The following LETM1 variants were observed in gnomAD, a reference collection of about 807,000 sequenced individuals.
LETM1 encodes leucine zipper and EF-hand containing transmembrane protein 1.
LETM1 carries 50 observed loss-of-function variants against 74.5 expected under a neutral mutation model. The ratio of observed to expected loss-of-function variants is 0.67; its 90% CI spans 0.53 to 0.85. The LOEUF (loss-of-function observed/expected upper bound fraction) is 0.85. Ranked by LOEUF, LETM1 falls within the 40% of genes least tolerant of loss-of-function variation. The pLI, the probability that LETM1 is intolerant of heterozygous loss-of-function variation, is 0.00. For missense variants in LETM1, 824 were observed against 967.8 expected (o/e 0.85, Z 1.97); for synonymous variants, 446 against 407.1 (o/e 1.10, Z -1.15).
At chr4:1,822,847 G>A in intron 9 of LETM1, 141 bp downstream of exon 9, 1 of 889,284 alleles carries the variant, frequency 1.1e-6, no homozygotes, top group Non-Finnish European at 1.5e-6. Context: ...CTGCCTCCCT[G>A]ACCACTCCAG....
intron 1 of LETM1, among the ~76,000 whole-genome samples, chr4:1,851,234 G>A (rs563999055): frequency 2.0e-4 from 30 of 152,300 alleles, no homozygotes; most frequent in Non-Finnish European, 2.8e-4. Flanking sequence ...AGGCGGTGCC[G>A]GGAGCCAGCA....
rs1383156134 is a variant in LETM1 at position 1,813,914 on chromosome 4, T to C, written c.*510A>G. The C allele has an allele frequency of 6.2e-6, 1 of 162,570 alleles. No individual in the cohort carries two copies. The highest frequency in any genetic ancestry group is 1.4e-5 in the Non-Finnish European group (1 of 73,116). 10.1% of individuals were successfully genotyped at this position (162,570 alleles called of 1,614,324 possible). On this transcript the variant is annotated 3_prime_UTR_variant, in exon 14 of 14. Coordinates refer to ENST00000302787, the MANE Select transcript of LETM1 (RefSeq NM_012318.3). ...ACAATGACCCACATCCAACTGAAAG[T>C]GTGCAGGAAGACAGGTCTATTGACA...
rs923809647 is a variant in LETM1 at position 1,856,057 on chromosome 4, G to T, written c.-107C>A. 1 of 616,352 alleles carries T rather than the reference G, an allele frequency of 1.6e-6. No individual in the cohort carries two copies. Among genetic ancestry groups the T allele is most frequent in the African/African-American group, 1.9e-5 (1 of 51,514 alleles). The allele number at this position is 616,352 out of a possible 1,614,324, so 38.2% of individuals were successfully genotyped here. A position where few individuals can be genotyped will look rare whatever the true frequency, so the allele number is the denominator to read the frequency against. On this transcript the variant is annotated 5_prime_UTR_variant, in exon 1 of 14. Transcript: ENST00000302787. Reference sequence around the variant, plus strand: ...CGCTTCAGACCCGGCCCGCGCGGACGGCTGACAGAGGCGGCTGGCCTCGGA... The same window carrying T: ...CGCTTCAGACCCGGCCCGCGCGGACTGCTGACAGAGGCGGCTGGCCTCGGA...
At chr4:1,850,565 C>A (rs2108857391) in intron 1 of LETM1, among the ~76,000 whole-genome samples, 1 of 151,260 alleles carries the variant, frequency 6.6e-6, no homozygotes, top group East Asian at 1.9e-4. Context: ...CAGACGTGAA[C>A]CCGGGAGGCG....
chr4:1,824,625 G>A (rs1189115557), intron 7 of LETM1, among the ~76,000 whole-genome samples: 2 of 152,218 alleles, frequency 1.3e-5, no homozygotes, highest in African/African-American at 4.8e-5. Flanking sequence ...CCGAGAGGTG[G>A]GTAGAGAAGG....
Position 1,834,364 on chromosome 4 carries a change from C to T in LETM1, c.876+481G>A, listed in dbSNP as rs1242947040. On this transcript the variant is annotated intron_variant, in intron 5 of 13. Coordinates refer to ENST00000302787, the MANE Select transcript of LETM1 (RefSeq NM_012318.3). This position sits in a 1 kb window ranked among gnomAD's most constrained non-coding sequence, Gnocchi z 5.0. ...GGCAGCTGCCGTCTCCCCATCCTCA[C>T]CTCACTCACCACATGACCGCAGGAA... 2.0e-5 allele frequency: 20 copies of T among 988,254 alleles called. No homozygotes were observed. The highest frequency in any genetic ancestry group is 2.4e-5 in the Non-Finnish European group (20 of 831,846). 61.2% of individuals were successfully genotyped at this position (988,254 alleles called of 1,614,324 possible). A position where few individuals can be genotyped will look rare whatever the true frequency, so the allele number is the denominator to read the frequency against.
chr4:1,829,804 A>C (rs1712203978), intron 6 of LETM1, among the ~76,000 whole-genome samples: 1 of 152,176 alleles, frequency 6.6e-6, no homozygotes, highest in Admixed American at 6.5e-5. Context: ...CAGCCTGGGC[A>C]ACAGAACAAG....
intron 3 of LETM1, among the ~76,000 whole-genome samples, chr4:1,839,510 G>GCAGA (rs1488395786): frequency 6.6e-6 from 1 of 152,238 alleles, no homozygotes; most frequent in African/African-American, 2.4e-5. Flanking sequence ...TGAAGCAGGA[G>GCAGA]CAGACGGTGT....
At chr4:1,850,324 C>A (rs774986660) in intron 1 of LETM1, among the ~76,000 whole-genome samples, 1 of 152,064 alleles carries the variant, frequency 6.6e-6, no homozygotes, top group Non-Finnish European at 1.5e-5. Flanking sequence ...GATGGGAAGC[C>A]TCAAGTAGAT....
chr4:1,852,529 T>C lies in LETM1; in HGVS notation c.83-3320A>G, dbSNP rs111730562. Among the ~76,000 whole-genome samples, 329 of 152,248 alleles carry C rather than the reference T, an allele frequency of 2.2e-3. 1 individual carries two copies. The highest frequency in any genetic ancestry group is 7.6e-3 in the African/African-American group (316 of 41,548). Reference sequence around the variant, plus strand: ...TCGCCTCCCTGGAAGGGGCAGGAAGTTCCCACCCTCTAATCACAGCATGGC... The same window carrying C: ...TCGCCTCCCTGGAAGGGGCAGGAAGCTCCCACCCTCTAATCACAGCATGGC... On this transcript the variant is annotated intron_variant, in intron 1 of 13. Coordinates refer to ENST00000302787, the MANE Select transcript of LETM1 (RefSeq NM_012318.3).
At chr4:1,840,176 G>C (rs908655065) in intron 3 of LETM1, among the ~76,000 whole-genome samples, 1 of 152,196 alleles carries the variant, frequency 6.6e-6, no homozygotes, top group African/African-American at 2.4e-5. Flanking sequence ...CCAGGAGTTC[G>C]AGAGCAGCCT....
intron 6 of LETM1, among the ~76,000 whole-genome samples, chr4:1,826,948 G>A (rs114219006): frequency 5.9e-5 from 9 of 152,254 alleles, no homozygotes; most frequent in African/African-American, 9.6e-5. Context: ...CTTCCCCTCC[G>A]TCTGTTCTGA....
chr4:1,817,292 C>T (rs1054861099), intron 11 of LETM1, among the ~76,000 whole-genome samples: 2 of 144,752 alleles, frequency 1.4e-5, no homozygotes, highest in African/African-American at 5.1e-5. Context: ...CACAGTGACT[C>T]ATGCCTGTAA....
At chr4:1,854,636 T>C (rs1713178359) in intron 1 of LETM1, among the ~76,000 whole-genome samples, 1 of 151,358 alleles carries the variant, frequency 6.6e-6, no homozygotes, top group East Asian at 2.0e-4. Flanking sequence ...CTACTAAAAA[T>C]ACAAAAATTA....
At chr4:1,822,031 G>T in intron 10 of LETM1, 150 bp downstream of exon 10, 1 of 758,834 alleles carries the variant, frequency 1.3e-6, no homozygotes, top group Non-Finnish European at 1.9e-6. Flanking sequence ...TAGGGGCCCA[G>T]TGGCCTCATC....
rs1187541904 is a variant in LETM1 at position 1,841,344 on chromosome 4, T to G, written c.594+3A>C. The G allele has an allele frequency of 3.1e-6, 5 of 1,611,550 alleles. No individual in the cohort carries two copies. The highest frequency in any genetic ancestry group is 4.2e-6 in the Non-Finnish European group (5 of 1,177,966). On this transcript the variant is annotated splice_donor_region_variant and intron_variant, in intron 3 of 13. Transcript: ENST00000302787. ...AAGAAAGGACTAGACATGTCCCCAT[T>G]ACCTGCCTGCGCTCCCGGCGGGTCA...
At chr4:1,828,463 G>T (rs1712103740) in intron 6 of LETM1, among the ~76,000 whole-genome samples, 3 of 90,444 alleles carry the variant, frequency 3.3e-5, no homozygotes, top group African/African-American at 1.5e-4. Context: ...GGGCAGAGGC[G>T]CCCCTCACCT....
At chr4:1,848,419 G>A (rs968792968) in intron 2 of LETM1, among the ~76,000 whole-genome samples, 9 of 151,932 alleles carry the variant, frequency 5.9e-5, no homozygotes, top group African/African-American at 2.2e-4. Flanking sequence ...GTGGTGGCGG[G>A]CGCCTGTAGT....
At chr4:1,822,921 T>C in intron 9 of LETM1, 67 bp downstream of exon 9, 1 of 1,289,592 alleles carries the variant, frequency 7.8e-7, no homozygotes, top group South Asian at 2.6e-5. Flanking sequence ...ACTGTGGGCG[T>C]GCGGGGGTTT....
Sources: allele counts gnomAD v4.1 joint callset (sites outside exome capture counted in the v4.1 genomes callset), GRCh38; gene constraint gnomAD v4.1.1; non-coding constraint Gnocchi (gnomAD v3.1); transcripts MANE v1.5; gene names NCBI Gene and HGNC (gene_info 2026-07-23, HGNC 2026-07-21).